Variants in ARHGAP24 observed in about 807,000 individuals in gnomAD.
The protein encoded by ARHGAP24 is Rho GTPase activating protein 24.
ARHGAP24 carries 50 observed loss-of-function variants against 76.4 expected under a neutral mutation model. The ratio of observed to expected loss-of-function variants is 0.65; its 90% CI spans 0.52 to 0.83. The LOEUF is 0.83. Among genes scored for constraint, ARHGAP24 ranks in the 40% least tolerant of loss-of-function variants. The pLI is 0.00. For synonymous variants in ARHGAP24, 345 were observed against 323.3 expected, an observed-to-expected ratio of 1.07 and a Z score of -0.72; for missense variants, 930 against 914.2, an observed-to-expected ratio of 1.02 and a Z score of -0.22.
At chr4:85,754,686 G>C (rs1406283807) in intron 3 of ARHGAP24, among the ~76,000 whole-genome samples, 1 of 152,152 alleles carries the variant, frequency 6.6e-6, no homozygotes, top group African/African-American at 2.4e-5. Context: ...GTCTAAGTTT[G>C]GTTCTTGACA....
intron 4 of ARHGAP24, among the ~76,000 whole-genome samples, chr4:85,941,665 T>C (rs1578413317): frequency 6.6e-6 from 1 of 152,198 alleles, no homozygotes; most frequent in South Asian, 2.1e-4. Context: ...AATATAAAAC[T>C]GTAATAAAGG....
chr4:85,624,449 G>A (rs1407942446), intron 2 of ARHGAP24, among the ~76,000 whole-genome samples: 1 of 152,154 alleles, frequency 6.6e-6, no homozygotes, highest in Non-Finnish European at 1.5e-5. Flanking sequence ...CTTGATTATG[G>A]TGGATAAGCT....
chr4:85,553,568 C>T (rs1044703306), intron 1 of ARHGAP24, among the ~76,000 whole-genome samples: 4 of 152,128 alleles, frequency 2.6e-5, no homozygotes, highest in African/African-American at 9.7e-5. Context: ...ATTAGCTAGA[C>T]ACAGAGCACT....
At chr4:85,488,320 G>C (rs1285334919) in intron 1 of ARHGAP24, among the ~76,000 whole-genome samples, 2 of 151,986 alleles carry the variant, frequency 1.3e-5, no homozygotes, top group African/African-American at 2.4e-5. Context: ...TATAAATTTG[G>C]TGAAAGTTTA....
At chr4:85,965,426 A>G (rs1738532998) in intron 5 of ARHGAP24, among the ~76,000 whole-genome samples, 1 of 152,122 alleles carries the variant, frequency 6.6e-6, no homozygotes, top group African/African-American at 2.4e-5. Flanking sequence ...CACAGAGCCA[A>G]ATCATATCAG....
chr4:85,623,289 G>A (rs1251512067), intron 2 of ARHGAP24, among the ~76,000 whole-genome samples: 1 of 152,070 alleles, frequency 6.6e-6, no homozygotes, highest in Non-Finnish European at 1.5e-5. Flanking sequence ...TGTAAGGAAG[G>A]GATCCAGTTT....
intron 3 of ARHGAP24, among the ~76,000 whole-genome samples, chr4:85,804,325 T>C (rs1728702688): frequency 6.6e-6 from 1 of 152,212 alleles, no homozygotes; most frequent in Admixed American, 6.5e-5. Context: ...CTCTTCATCA[T>C]CTTTACAACA....
intron 3 of ARHGAP24, among the ~76,000 whole-genome samples, chr4:85,859,909 C>G (rs935368628): frequency 3.3e-5 from 5 of 151,968 alleles, no homozygotes; most frequent in Non-Finnish European, 5.9e-5. Flanking sequence ...CAATGGCTAA[C>G]CCAAGCTTTA....
intron 3 of ARHGAP24, among the ~76,000 whole-genome samples, chr4:85,823,381 A>C (rs1024656337): frequency 2.2e-4 from 33 of 152,182 alleles, no homozygotes; most frequent in Non-Finnish European, 2.9e-5. Context: ...TTTCAGTGTG[A>C]TTGCATCATG....
chr4:85,586,427 T>A (rs1727864157), intron 2 of ARHGAP24, among the ~76,000 whole-genome samples: 1 of 152,180 alleles, frequency 6.6e-6, no homozygotes, highest in Non-Finnish European at 1.5e-5. Flanking sequence ...GACATGTGAT[T>A]GGTTGAATAA....
At chr4:85,693,399 C>A (rs1236722334) in intron 2 of ARHGAP24, among the ~76,000 whole-genome samples, 1 of 152,204 alleles carries the variant, frequency 6.6e-6, no homozygotes, top group African/African-American at 2.4e-5. Context: ...ATGACTCACT[C>A]GCCTGCCAGC....
chr4:85,931,325 C>A, intron 4 of ARHGAP24, among the ~76,000 whole-genome samples: 1 of 151,998 alleles, frequency 6.6e-6, no homozygotes, highest in South Asian at 2.1e-4. Flanking sequence ...CTGGGCTGAC[C>A]GTCCTCAGAG....
intron 3 of ARHGAP24, among the ~76,000 whole-genome samples, chr4:85,910,465 T>C (rs1735014270): frequency 6.6e-6 from 1 of 152,092 alleles, no homozygotes; most frequent in Non-Finnish European, 1.5e-5. Flanking sequence ...CAGTTCACAA[T>C]AGACCCACAG....
intron 2 of ARHGAP24, among the ~76,000 whole-genome samples, chr4:85,674,407 AT>A (rs1370059296): frequency 2.0e-5 from 3 of 152,228 alleles, no homozygotes; most frequent in Non-Finnish European, 2.9e-5. Context: ...GGGAGATTAT[AT>A]GAATTGTTTT....
chr4:85,541,359 T>C (rs1725693670), intron 1 of ARHGAP24, among the ~76,000 whole-genome samples: 2 of 122,914 alleles, frequency 1.6e-5, no homozygotes, highest in East Asian at 4.0e-4. Flanking sequence ...TTCACCATTT[T>C]AGCCGGGATG....
At chr4:85,566,403 A>G (rs948815330) in intron 1 of ARHGAP24, among the ~76,000 whole-genome samples, 1 of 152,104 alleles carries the variant, frequency 6.6e-6, no homozygotes, top group Non-Finnish European at 1.5e-5. Flanking sequence ...ATTTTTTTTC[A>G]TAAGGGCAGT....
chr4:85,843,890 T>C (rs1560666301), intron 3 of ARHGAP24, among the ~76,000 whole-genome samples: 1 of 152,016 alleles, frequency 6.6e-6, no homozygotes, highest in Non-Finnish European at 1.5e-5. Flanking sequence ...CTATATGGGG[T>C]TTTCTTTACA....
At chr4:85,695,447 A>T (rs1243793002) in intron 2 of ARHGAP24, among the ~76,000 whole-genome samples, 1 of 152,222 alleles carries the variant, frequency 6.6e-6, no homozygotes, top group East Asian at 1.9e-4. Context: ...TTCCATCATA[A>T]TAAGAATGCT....
chr4:85,495,011 C>T (rs888057621), intron 1 of ARHGAP24, among the ~76,000 whole-genome samples: 1 of 148,738 alleles, frequency 6.7e-6, no homozygotes, highest in African/African-American at 2.5e-5. Flanking sequence ...GGTAGAATGG[C>T]ATGAACCCGG....
Sources: allele counts gnomAD v4.1 joint callset (sites outside exome capture counted in the v4.1 genomes callset), GRCh38; gene constraint gnomAD v4.1.1; transcripts MANE v1.5; gene names NCBI Gene and HGNC (gene_info 2026-07-23, HGNC 2026-07-21).